Variants in ARHGEF11 observed in about 807,000 individuals in gnomAD.
ARHGEF11 encodes Rho guanine nucleotide exchange factor 11.
A neutral mutation model predicts 193.7 loss-of-function variants in ARHGEF11; 55 were observed. The ratio of observed to expected loss-of-function variants is 0.28; its 90% CI spans 0.23 to 0.36. ARHGEF11 has a LOEUF of 0.36. Among genes scored for constraint, ARHGEF11 ranks in the 10% least tolerant of loss-of-function variants. The pLI, the probability that ARHGEF11 is intolerant of heterozygous loss-of-function variation, is 1.00. For synonymous variants in ARHGEF11, 693 were observed against 768.0 expected (o/e 0.90, Z 1.62); for missense variants, 1,723 against 2,005.6 (o/e 0.86, Z 2.69).
At chr1:157,003,826 C>A (rs1416243293) in intron 1 of ARHGEF11, among the ~76,000 whole-genome samples, 1 of 152,212 alleles carries the variant, frequency 6.6e-6, no homozygotes, top group African/African-American at 2.4e-5. Context: ...CCTCTTAACC[C>A]CACGTTCCCT....
intron 37 of ARHGEF11, chr1:156,939,340 T>C: frequency 1.5e-6 from 1 of 647,372 alleles, no homozygotes; most frequent in Middle Eastern, 4.3e-4. Context: ...CACACAGATA[T>C]TAAGTGGCAG....
At chr1:156,968,231 A>G (rs887775088) in intron 10 of ARHGEF11, 107 bp from the exon 11 acceptor site, 12 of 1,276,758 alleles carry the variant, frequency 9.4e-6, no homozygotes, top group Middle Eastern at 1.9e-4. Context: ...ATCAGCTAAG[A>G]GAAGTGCAGT....
At chr1:157,005,480 C>A (rs868414032) in intron 1 of ARHGEF11, among the ~76,000 whole-genome samples, 18 of 152,216 alleles carry the variant, frequency 1.2e-4, no homozygotes, top group African/African-American at 3.4e-4. Flanking sequence ...GAGGTCAGAA[C>A]TGAAGGTTGT....
chr1:157,029,140 C>G (rs1670991390), intron 1 of ARHGEF11, among the ~76,000 whole-genome samples: 1 of 144,120 alleles, frequency 6.9e-6, no homozygotes, highest in Non-Finnish European at 1.5e-5. Context: ...GCACTCCAGC[C>G]TAGGCAACTG....
At chr1:156,963,625 G>T in intron 11 of ARHGEF11, 31 bp from the exon 12 acceptor site, 1 of 1,606,590 alleles carries the variant, frequency 6.2e-7, no homozygotes, top group Non-Finnish European at 8.5e-7. Context: ...GCAGAGATGA[G>T]AGGTTATAGA....
intron 1 of ARHGEF11, among the ~76,000 whole-genome samples, chr1:157,016,345 G>T (rs183332063): frequency 6.0e-5 from 9 of 150,734 alleles, no homozygotes; most frequent in African/African-American, 1.7e-4. Context: ...TCAGCCTCCC[G>T]AGTAGCTGGG....
intron 13 of ARHGEF11, among the ~76,000 whole-genome samples, chr1:156,962,389 C>G (rs1377082719): frequency 6.6e-6 from 1 of 152,166 alleles, no homozygotes; most frequent in Non-Finnish European, 1.5e-5. Flanking sequence ...CCGTTCTAAG[C>G]AGTTGAGCAG....
intron 1 of ARHGEF11, among the ~76,000 whole-genome samples, chr1:157,037,564 C>G (rs565987827): frequency 6.6e-6 from 1 of 152,252 alleles, no homozygotes; most frequent in South Asian, 2.1e-4. Context: ...CTGAAATGGC[C>G]TCTTCTCTTT....
chr1:156,948,498 A>G lies in ARHGEF11; in HGVS notation c.1926T>C (p.Ser642=). 1 of 1,614,174 alleles carries G rather than the reference A, an allele frequency of 6.2e-7. No homozygotes were observed. Among genetic ancestry groups the G allele is most frequent in the Non-Finnish European group, 8.5e-7 (1 of 1,180,002 alleles). Residue 642 remains serine (S), a splice_region_variant and synonymous_variant, in exon 23 of 41, where the codon AGT becomes AGC. Coordinates refer to ENST00000368194, the MANE Select transcript of ARHGEF11 (RefSeq NM_198236.3). The surrounding 1 kb of genome is among the most constrained non-coding windows in gnomAD (Gnocchi z 4.2). ...SFPEDLLESD[S]SRSEIRLGRS... ...GGCCCAGGCGAATCTCTGAGCGTGA[A>G]CTGGGGGGAAGGGACAAAAGACTTT...
Position 156,945,137 on chromosome 1 carries a change from T to C in ARHGEF11, c.2873A>G (p.Lys958Arg), listed in dbSNP as rs1320868532. 1.9e-6 allele frequency: 3 copies of C among 1,614,226 alleles called. No individual in the cohort carries two copies. Among genetic ancestry groups the C allele is most frequent in the Non-Finnish European group, 2.5e-6 (3 of 1,180,038 alleles). Residue 958 changes from lysine (K) to arginine (R), a missense_variant, in exon 30 of 41, where the codon AAG becomes AGG. Coordinates refer to ENST00000368194, the MANE Select transcript of ARHGEF11 (RefSeq NM_198236.3). ...RARDQCREIL[K>R]YVNEAVKQTE... is the part of the protein sequence containing the mutation. Reference sequence around the variant, plus strand: ...TTGTTTTACCGCTTCATTCACATACTTGAGAATCTCCCGGCACTGGTCCCG... The same window carrying C: ...TTGTTTTACCGCTTCATTCACATACCTGAGAATCTCCCGGCACTGGTCCCG...
intron 13 of ARHGEF11, among the ~76,000 whole-genome samples, chr1:156,962,751 C>T (rs1341246823): frequency 1.3e-5 from 2 of 151,724 alleles, no homozygotes; most frequent in Non-Finnish European, 2.9e-5. Flanking sequence ...TGGTGACGGG[C>T]GCCTGTAGTC....
In ARHGEF11 at chr1:156,993,364, CAT is replaced by C. The variant is rs1346604427; in HGVS notation, c.33-7193_33-7192del. 3.3e-5 allele frequency among the ~76,000 whole-genome samples: 5 copies of C among 152,106 alleles called. 1 individual carries two copies. Among genetic ancestry groups the C allele is most frequent in the South Asian group, 2.1e-4 (1 of 4,816 alleles). On this transcript the variant is annotated intron_variant, in intron 1 of 40. Transcript: ENST00000368194. ...TGTGCCCACACACATATAATATATACATATATGACATGATTAAAGATATATAT... is the reference window on the plus strand; with the variant it reads ...TGTGCCCACACACATATAATATATACATATGACATGATTAAAGATATATAT...
At chr1:156,937,532 A>C in intron 38 of ARHGEF11, 36 bp from the exon 39 acceptor site, 1 of 1,503,294 alleles carries the variant, frequency 6.7e-7, no homozygotes, top group Non-Finnish European at 8.9e-7. Flanking sequence ...TCAGGAGGCA[A>C]ACAGAGAAGT....
intron 1 of ARHGEF11, among the ~76,000 whole-genome samples, chr1:157,018,574 G>T (rs938093558): frequency 3.9e-5 from 6 of 152,050 alleles, no homozygotes; most frequent in Admixed American, 3.3e-4. Flanking sequence ...GAACCTGGGA[G>T]GCGGAGGTTG....
At chr1:157,009,120 T>C (rs770222154) in intron 1 of ARHGEF11, among the ~76,000 whole-genome samples, 1 of 152,198 alleles carries the variant, frequency 6.6e-6, no homozygotes, top group Non-Finnish European at 1.5e-5. Flanking sequence ...GGGGGCAGTT[T>C]AGTATGAATG....
chr1:156,945,021 T>G lies in ARHGEF11; in HGVS notation c.2989A>C (p.Lys997Gln). ...CTGCTGCAGCCTCTGCCTCCTACCT[T>G]GAACTCTGCTGCCAGGGGGTTGCTG... ...RASNPLAAEF[K>Q]SLDLTTRKMI... Residue 997 changes from lysine (K) to glutamine (Q), a missense_variant and splice_region_variant, in exon 30 of 41, where the codon AAG becomes CAG. This residue lies in a region of ARHGEF11 where 491 missense variants were observed against 654.5 expected (regional missense o/e 0.75). Transcript: ENST00000368194. 1 of 1,613,568 alleles carries G rather than the reference T, an allele frequency of 6.2e-7. No homozygotes were observed. The highest frequency in any genetic ancestry group is 8.5e-7 in the Non-Finnish European group (1 of 1,179,938).
chr1:156,940,669 A>G (rs1656646999), intron 35 of ARHGEF11, among the ~76,000 whole-genome samples: 1 of 152,218 alleles, frequency 6.6e-6, no homozygotes, highest in Non-Finnish European at 1.5e-5. Flanking sequence ...AAGACACTTC[A>G]GTCAATTATG....
In ARHGEF11 at chr1:156,936,818, T is replaced by A. The variant is rs772443320; in HGVS notation, c.4628A>T (p.Asp1543Val). The A allele has an allele frequency of 6.2e-7, 1 of 1,612,640 alleles. No homozygotes were observed. The highest frequency in any genetic ancestry group is 8.5e-7 in the Non-Finnish European group (1 of 1,179,162). Residue 1543 changes from aspartate to valine, a missense_variant and splice_region_variant, in exon 40 of 41, where the codon GAT becomes GTT. By Grantham distance (152) the Asp-to-Val change is radical (BLOSUM62 -3). This residue lies in a region of ARHGEF11 where 360 missense variants were observed against 344.4 expected (regional missense o/e 1.05). Transcript: ENST00000368194. ...NSHELGPCPE[D>V]GSDAPLEDST... ...GAGAGGGACCTGGCTTCACTCACCA[T>A]CCTCAGGGCAGGGCCCCAGTTCATG...
intron 1 of ARHGEF11, among the ~76,000 whole-genome samples, chr1:156,986,666 G>T (rs2102490478): frequency 6.6e-6 from 1 of 152,350 alleles, no homozygotes; most frequent in East Asian, 1.9e-4. Context: ...AGGTCTGCAT[G>T]AGCACAACAT....
Sources: gnomAD v4.1 joint callset for allele counts (sites outside exome capture counted in the v4.1 genomes callset) on GRCh38, gnomAD v4.1.1 for gene constraint, gnomAD v4.1.1 regional missense constraint, Gnocchi (gnomAD v3.1) non-coding constraint, MANE v1.5 for transcripts, NCBI Gene and HGNC (gene_info 2026-07-23, HGNC 2026-07-21) for gene names.